The following POLD2 variants were observed in gnomAD, a reference collection of about 807,000 sequenced individuals.
The protein encoded by POLD2 is DNA polymerase delta 2, accessory subunit, also known as DNA polymerase delta subunit 2.
POLD2 carries 31 observed loss-of-function variants against 48.8 expected under a neutral mutation model. The observed-to-expected ratio is 0.64, with a 90% CI of 0.48 to 0.86. The LOEUF (loss-of-function observed/expected upper bound fraction) is 0.86, where lower values mean the gene tolerates loss of function less well. Among genes scored for constraint, POLD2 ranks in the 40% least tolerant of loss-of-function variants. POLD2 has a pLI of 0.00. For missense variants in POLD2, 455 were observed against 610.1 expected (o/e 0.75, Z 2.68); for synonymous variants, 233 against 256.3 (o/e 0.91, Z 0.87).
rs541423187 is a variant in POLD2, at chr7:44,117,225, G to A, written c.489C>T (p.Gly163=). Residue 163 remains glycine, a synonymous_variant, in exon 5 of 11, where the codon GGC becomes GGT. Transcript: ENST00000610533. ...GAAACTTCCCGTCGTCTCTCACGGA[G>A]CCAAACACAGCCAGGACAGTCCCTG... is the stretch of plus-strand genomic sequence containing the variant. ...LVTGTVLAVF[G]SVRDDGKFLV... is the part of the protein sequence containing the mutation. The A allele has an allele frequency of 6.2e-7, 1 of 1,613,796 alleles. No homozygotes were observed. The highest frequency in any genetic ancestry group is 2.2e-5 in the East Asian group (1 of 44,876).
At position 44,121,106 on chromosome 7, in the gene POLD2, C is replaced by G. The variant is rs2096247578; in HGVS notation, c.220+728G>C. On this transcript the variant is annotated intron_variant, in intron 2 of 10. Coordinates refer to ENST00000610533, the MANE Select transcript of POLD2 (RefSeq NM_006230.4). The surrounding 1 kb of genome is among the most constrained non-coding windows in gnomAD (Gnocchi z 4.5). ...TAAGACCTGGTCTCACCTACTAAAT[C>G]CTCAGTTTAAAAATATAATAGGAGA... Among the ~76,000 whole-genome samples the G allele has an allele frequency of 6.6e-6, 1 of 152,054 alleles. No homozygotes were observed. The highest frequency in any genetic ancestry group is 1.5e-5 in the Non-Finnish European group (1 of 68,018).
chr7:44,122,418 C>G (rs1169744904), intron 1 of POLD2: 2 of 1,102,484 alleles, frequency 1.8e-6, no homozygotes, highest in Non-Finnish European at 2.2e-6. Context: ...CAGTTTGCCC[C>G]AAATGGAATT....
chr7:44,117,638 G>A lies in POLD2; in HGVS notation c.447C>T (p.Asp149=), dbSNP rs775577294. The A allele has an allele frequency of 3.7e-6, 6 of 1,606,814 alleles. No homozygotes were observed. Among genetic ancestry groups the A allele is most frequent in the Non-Finnish European group, 5.1e-6 (6 of 1,176,526 alleles). ...LQRIKLKGTI[D]VSKLVTGTVL... ...CCCTACCCGTAACCAGCTTTGACACGTCAATGGTGCCTTTTAGTTTGATAC... is the reference window on the plus strand; with the variant it reads ...CCCTACCCGTAACCAGCTTTGACACATCAATGGTGCCTTTTAGTTTGATAC... The change falls in exon 4 of 11, where the codon GAC becomes GAT. Residue 149 remains aspartate, a synonymous_variant. Coordinates refer to ENST00000610533, the MANE Select transcript of POLD2 (RefSeq NM_006230.4).
Position 44,114,890 on chromosome 7 carries a change from C to T in POLD2, c.1305G>A (p.Gln435=). The change falls in exon 11 of 11, where the codon CAG becomes CAA. Residue 435 remains glutamine (Q), a synonymous_variant. Coordinates refer to ENST00000610533, the MANE Select transcript of POLD2 (RefSeq NM_006230.4). ...TGCGCAGGTTCACAAGGCAGGCGGT[C>T]TGCGTGGCACTGAAGTCAGGGACAG... ...LVTVPDFSAT[Q]TACLVNLRSL... is the part of the protein sequence containing the mutation. 6 of 1,613,776 alleles carry T rather than the reference C, an allele frequency of 3.7e-6. No homozygotes were observed. The highest frequency in any genetic ancestry group is 5.1e-6 in the Non-Finnish European group (6 of 1,179,814).
upstream of POLD2, chr7:44,123,708 A>G (rs1583573014): frequency 7.4e-7 from 1 of 1,349,166 alleles, no homozygotes; most frequent in African/African-American, 1.5e-5. Context: ...ACGCGGAGCC[A>G]CACCCTCGGT....
chr7:44,122,081 C>T lies in POLD2; in HGVS notation c.-28G>A, dbSNP rs1269243105. On this transcript the variant is annotated 5_prime_UTR_variant, in exon 2 of 11. In the 5' UTR this introduces an upstream ATG that the reference lacks. Transcript: ENST00000610533. ...CCACACTCCTGACTTGCTTGGTCCA[C>T]ACAGCTTCGCCCAGGCCAAGGAGGT... 6.2e-7 allele frequency: 1 copy of T among 1,609,152 alleles called. No individual in the cohort carries two copies. Among genetic ancestry groups the T allele is most frequent in the East Asian group, 2.2e-5 (1 of 44,800 alleles).
At chr7:44,117,098 T>G in intron 5 of POLD2, 35 bp downstream of exon 5, 1 of 1,608,544 alleles carries the variant, frequency 6.2e-7, no homozygotes, top group Non-Finnish European at 8.5e-7. Context: ...CCACTGACCA[T>G]GAGCTGGTTC....
intron 1 of POLD2, 117 bp downstream of exon 1, chr7:44,123,394 A>G (rs2128813358): frequency 1.4e-6 from 2 of 1,431,398 alleles, no homozygotes; most frequent in East Asian, 6.0e-5. Flanking sequence ...CCCGGCTCGG[A>G]TCCACGCGGC....
intron 9 of POLD2, 21 bp from the exon 10 acceptor site, chr7:44,115,417 C>A: frequency 6.8e-7 from 1 of 1,477,258 alleles, no homozygotes; most frequent in South Asian, 1.1e-5. Flanking sequence ...AGGGGCAGCT[C>A]TGAGGAGGGT....
At chr7:44,117,432 C>G in intron 4 of POLD2, 185 bp from the exon 5 acceptor site, 1 of 774,408 alleles carries the variant, frequency 1.3e-6, no homozygotes, top group South Asian at 1.8e-5. Flanking sequence ...AGACCCATCT[C>G]CCAGCCAGGT....
In POLD2 at chr7:44,117,736, G is replaced by A; in HGVS notation, c.349C>T (p.Leu117=). 1.9e-6 allele frequency: 3 copies of A among 1,613,854 alleles called. No homozygotes were observed. The highest frequency in any genetic ancestry group is 1.7e-6 in the Non-Finnish European group (2 of 1,179,928). Residue 117 remains leucine, a synonymous_variant, in exon 4 of 11, where the codon CTG becomes TTG. Transcript: ENST00000610533. The part of the protein sequence containing the change: ...ILREVSEEHN[L]LPQPPRSKYI... The stretch of plus-strand genomic sequence containing the variant: ...TTACTCCGAGGAGGCTGGGGGAGCA[G>A]GTTGTGCTGGAATGCAGAGACAGGA...
Position 44,117,252 on chromosome 7 carries a change from G to A in POLD2, c.467-5C>T. ...CAAACACAGCCAGGACAGTCCCTGG[G>A]GAGCAGTGGCATCAGGCCTGAGCAG... On this transcript the variant is annotated splice_polypyrimidine_tract_variant and splice_region_variant and intron_variant, in intron 4 of 10. Transcript: ENST00000610533. 3 of 1,608,216 alleles carry A rather than the reference G, an allele frequency of 1.9e-6. No homozygotes were observed. The highest frequency in any genetic ancestry group is 1.7e-4 in the Middle Eastern group (1 of 6,048).
rs377327228 is a variant in POLD2 at position 44,116,423 on chromosome 7, C to T, written c.861+7G>A. ...CCCATCACCCCTCCAGCCCCCAGCT[C>T]GCTCACGCTCAGCTGCAGGAGGATC... is the stretch of plus-strand genomic sequence containing the variant. On this transcript the variant is annotated splice_region_variant and intron_variant, in intron 7 of 10. Transcript: ENST00000610533. The surrounding 1 kb of genome is among the most constrained non-coding windows in gnomAD (Gnocchi z 6.1). The T allele has an allele frequency of 1.5e-5, 24 of 1,574,626 alleles. No individual in the cohort carries two copies. The highest frequency in any genetic ancestry group is 5.6e-5 in the Admixed American group (3 of 53,342).
rs1458941319 is a variant in POLD2 at position 44,122,044 on chromosome 7, C to T, written c.10G>A (p.Glu4Lys). The T allele has an allele frequency of 1.9e-6, 3 of 1,612,938 alleles. No individual in the cohort carries two copies. The highest frequency in any genetic ancestry group is 2.5e-6 in the Non-Finnish European group (3 of 1,179,994). The part of the protein sequence containing the change: MFS[E>K]QAAQRAHTLL... ...GTGTGGGCCCTCTGGGCAGCCTGCT[C>T]AGAAAACATGGCCACACTCCTGACT... The change falls in exon 2 of 11, where the codon GAG becomes AAG. Residue 4 changes from glutamate (E) to lysine (K), a missense_variant. Glu to Lys is a moderately conservative substitution (Grantham distance 56). Around this residue, in one of 3 missense-constraint regions of POLD2, gnomAD observed 349 missense variants for 437.4 expected, o/e 0.80. Transcript: ENST00000610533.
chr7:44,123,973 A>G (rs2096252394), upstream of POLD2, among the ~76,000 whole-genome samples: 1 of 152,242 alleles, frequency 6.6e-6, no homozygotes, highest in South Asian at 2.1e-4. Context: ...AGCGATGGCG[A>G]CACGCGAGGA....
chr7:44,116,045 C>G lies in POLD2; in HGVS notation c.1019+70G>C. ...GCCCTGCCACCTTCCTGGGCCCTCC[C>G]TCCCCTCCCTTCTTTGTGCCTCCTG... is the stretch of plus-strand genomic sequence containing the variant. On this transcript the variant is annotated intron_variant, in intron 8 of 10. Coordinates refer to ENST00000610533, the MANE Select transcript of POLD2 (RefSeq NM_006230.4). This position sits in a 1 kb window ranked among gnomAD's most constrained non-coding sequence, Gnocchi z 6.1. 1 of 1,604,130 alleles carries G rather than the reference C, an allele frequency of 6.2e-7. No homozygotes were observed. The highest frequency in any genetic ancestry group is 8.5e-7 in the Non-Finnish European group (1 of 1,172,146).
At position 44,122,093 on chromosome 7, in the gene POLD2, C is replaced by T; in HGVS notation, c.-40G>A. On this transcript the variant is annotated 5_prime_UTR_variant, in exon 2 of 11. Transcript: ENST00000610533. Reference sequence around the variant, plus strand: ...CTTGCTTGGTCCACACAGCTTCGCCCAGGCCAAGGAGGTTCACTGCGAAAA... The same window carrying T: ...CTTGCTTGGTCCACACAGCTTCGCCTAGGCCAAGGAGGTTCACTGCGAAAA... 1 of 1,604,992 alleles carries T rather than the reference C, an allele frequency of 6.2e-7. No individual in the cohort carries two copies. Among genetic ancestry groups the T allele is most frequent in the Non-Finnish European group, 8.5e-7 (1 of 1,174,724 alleles).
chr7:44,123,513 C>T lies in POLD2; in HGVS notation c.-59G>A. ...CCGTTTCCCTGGACCCCACTCACCG[C>T]GCGGCGCGCCGCATCCCGCCAATCC... On this transcript the variant is annotated splice_region_variant and 5_prime_UTR_variant, in exon 1 of 11. Transcript: ENST00000610533. The T allele has an allele frequency of 6.7e-7, 1 of 1,483,652 alleles. No individual in the cohort carries two copies. Among genetic ancestry groups the T allele is most frequent in the South Asian group, 1.3e-5 (1 of 78,520 alleles). The allele number at this position is 1,483,652 out of a possible 1,614,324, so 91.9% of individuals were successfully genotyped here.
At chr7:44,123,318 G>A in intron 1 of POLD2, 193 bp downstream of exon 1, 1 of 1,365,328 alleles carries the variant, frequency 7.3e-7, no homozygotes. Context: ...GGCGGCAGCA[G>A]CCAGGCCGCG....
Sources: gnomAD v4.1 joint callset for allele counts (sites outside exome capture counted in the v4.1 genomes callset) on GRCh38, gnomAD v4.1.1 for gene constraint, gnomAD v4.1.1 regional missense constraint, Gnocchi (gnomAD v3.1) non-coding constraint, MANE v1.5 for transcripts, NCBI Gene and HGNC (gene_info 2026-07-23, HGNC 2026-07-21) for gene names.